The following POLN variants were observed in gnomAD, a reference collection of about 807,000 sequenced individuals.
POLN encodes DNA polymerase nu.
In POLN, 108 loss-of-function variants were observed where a neutral mutation model predicts 113.5. The ratio of observed to expected loss-of-function variants is 0.95; its 90% CI spans 0.81 to 1.12. The LOEUF is 1.12. POLN is among the 50% of genes most tolerant of loss of function. The pLI is 0.00. For synonymous variants in POLN, 386 were observed against 391.5 expected (o/e 0.99, Z 0.17); for missense variants, 1,097 against 1,077.1 (o/e 1.02, Z -0.26).
At chr4:2,104,880 T>C (rs1030047505) in intron 19 of POLN, among the ~76,000 whole-genome samples, 1 of 152,196 alleles carries the variant, frequency 6.6e-6, no homozygotes, top group Non-Finnish European at 1.5e-5. Flanking sequence ...TCACTCACCC[T>C]CCAAGTGCTG....
chr4:2,223,421 T>G (rs1465127304), intron 3 of POLN, among the ~76,000 whole-genome samples: 1 of 152,170 alleles, frequency 6.6e-6, no homozygotes, highest in Non-Finnish European at 1.5e-5. Flanking sequence ...GAACTGCACA[T>G]GCAAGGGATA....
intron 14 of POLN, 102 bp downstream of exon 14, chr4:2,159,053 G>T: frequency 1.1e-6 from 1 of 877,180 alleles, no homozygotes; most frequent in Non-Finnish European, 1.9e-6. Flanking sequence ...GAGAACACTG[G>T]GAGGGCTACT....
At chr4:2,192,933 G>A (rs1052174076) in intron 7 of POLN, among the ~76,000 whole-genome samples, 1 of 151,994 alleles carries the variant, frequency 6.6e-6, no homozygotes, top group Non-Finnish European at 1.5e-5. Flanking sequence ...GCTATTTGTG[G>A]TAACAAGAAA....
intron 19 of POLN, among the ~76,000 whole-genome samples, chr4:2,111,431 G>A (rs1159402522): frequency 6.6e-6 from 1 of 152,142 alleles, no homozygotes; most frequent in Non-Finnish European, 1.5e-5. Context: ...ATTCAATTAG[G>A]AAAAGAGGAA....
At chr4:2,230,020 C>G (rs995833564) in intron 2 of POLN, 2 of 152,210 alleles carry the variant, frequency 1.3e-5, no homozygotes, top group Non-Finnish European at 2.9e-5. Context: ...TGGGCAGGGG[C>G]ATGGTGGCTT....
chr4:2,177,758 T>A (rs1159073877), intron 8 of POLN, among the ~76,000 whole-genome samples: 2 of 152,244 alleles, frequency 1.3e-5, no homozygotes, highest in Non-Finnish European at 1.5e-5. Context: ...CCTGACGGCA[T>A]GAAGTGTGGG....
At chr4:2,138,343 G>A (rs1731911094) in intron 16 of POLN, among the ~76,000 whole-genome samples, 1 of 152,218 alleles carries the variant, frequency 6.6e-6, no homozygotes, top group Non-Finnish European at 1.5e-5. Flanking sequence ...GGAGCCACTG[G>A]AGACTTTAGG....
intron 23 of POLN, among the ~76,000 whole-genome samples, 182 bp from the exon 24 acceptor site, chr4:2,075,701 CAA>C (rs1045949500): frequency 3.3e-5 from 5 of 152,206 alleles, no homozygotes; most frequent in Non-Finnish European, 5.9e-5. Flanking sequence ...CACTGAGGCC[CAA>C]GAGGATGTGG....
intron 20 of POLN, among the ~76,000 whole-genome samples, chr4:2,086,674 T>C (rs1730557917): frequency 1.3e-5 from 2 of 152,142 alleles, no homozygotes; most frequent in African/African-American, 4.8e-5. Context: ...TGCTCGACAG[T>C]GGGATCCTAG....
chr4:2,222,243 C>A (rs998308710), intron 3 of POLN, among the ~76,000 whole-genome samples: 1 of 152,014 alleles, frequency 6.6e-6, no homozygotes, highest in African/African-American at 2.4e-5. Flanking sequence ...AGGGTCTGGT[C>A]CCTCTTTCCT....
At chr4:2,204,418 A>G (rs1456015077) in intron 5 of POLN, among the ~76,000 whole-genome samples, 1 of 152,200 alleles carries the variant, frequency 6.6e-6, no homozygotes, top group Non-Finnish European at 1.5e-5. Context: ...GAACAAACCA[A>G]TAACAAGCAG....
At chr4:2,075,023 G>A (rs1577675421) in intron 24 of POLN, among the ~76,000 whole-genome samples, 1 of 152,258 alleles carries the variant, frequency 6.6e-6, no homozygotes, top group East Asian at 1.9e-4. Flanking sequence ...GAGCCTAGGG[G>A]GCCTCAGTGA....
At chr4:2,167,831 G>A (rs542991641) in intron 13 of POLN, among the ~76,000 whole-genome samples, 1 of 152,190 alleles carries the variant, frequency 6.6e-6, no homozygotes, top group South Asian at 2.1e-4. Context: ...CCTGGAAGGG[G>A]GAGGTTGCAG....
intron 19 of POLN, among the ~76,000 whole-genome samples, chr4:2,105,241 C>G (rs867579424): frequency 1.2e-4 from 19 of 152,324 alleles, no homozygotes; most frequent in Non-Finnish European, 1.3e-4. Context: ...ATCACTTCCA[C>G]CTCCTAATAT....
chr4:2,174,783 A>G (rs993699940), intron 9 of POLN, 32 bp from the exon 10 acceptor site: 1 of 1,457,138 alleles, frequency 6.9e-7, no homozygotes, highest in Non-Finnish European at 9.5e-7. Context: ...CATCAACGTC[A>G]ATTTAAATAT....
At chr4:2,141,796 C>G (rs1011469649) in intron 16 of POLN, among the ~76,000 whole-genome samples, 15 of 152,202 alleles carry the variant, frequency 9.9e-5, no homozygotes, top group East Asian at 3.8e-4. Flanking sequence ...TTCCAGCCCC[C>G]TCTCAGGCTC....
intron 19 of POLN, among the ~76,000 whole-genome samples, chr4:2,120,230 A>T (rs1269358290): frequency 1.3e-5 from 2 of 152,148 alleles, no homozygotes; most frequent in Non-Finnish European, 2.9e-5. Context: ...TAGTTATTCT[A>T]AGCCCTGTGC....
At chr4:2,110,048 C>G (rs1328091113) in intron 19 of POLN, among the ~76,000 whole-genome samples, 1 of 152,138 alleles carries the variant, frequency 6.6e-6, no homozygotes, top group Non-Finnish European at 1.5e-5. Flanking sequence ...TCTCTCAGAC[C>G]ACAGAGCAAT....
intron 4 of POLN, among the ~76,000 whole-genome samples, chr4:2,209,657 CTTTTTTTT>C (rs1175117439): frequency 1.8e-5 from 2 of 108,430 alleles, no homozygotes; most frequent in African/African-American, 8.1e-5. Flanking sequence ...TTTCCTTTTC[CTTTTTTTT>C]TTTTTTTTTT....
Sources: allele counts gnomAD v4.1 joint callset (sites outside exome capture counted in the v4.1 genomes callset), GRCh38; gene constraint gnomAD v4.1.1; transcripts MANE v1.5; gene names NCBI Gene and HGNC (gene_info 2026-07-23, HGNC 2026-07-21).